Variants in ZNF665 observed in about 807,000 individuals in gnomAD.
ZNF665 encodes the protein zinc finger protein 665.
Under a neutral mutation model 7.9 loss-of-function variants are expected in ZNF665, and 6 were observed. The ratio of observed to expected loss-of-function variants is 0.76; its 90% CI spans 0.42 to 1.50. The LOEUF is 1.50. Ranked by LOEUF, ZNF665 falls within the 40% of genes most tolerant of loss-of-function variation. The pLI, the probability that ZNF665 is intolerant of heterozygous loss-of-function variation, is 0.01. For synonymous variants in ZNF665, 242 were observed against 274.5 expected (o/e 0.88, Z 1.17); for missense variants, 819 against 806.7 (o/e 1.02, Z -0.18).
At position 53,175,435 on chromosome 19, in the gene ZNF665, T is replaced by C; in HGVS notation, c.142+10A>G. On this transcript the variant is annotated intron_variant, in intron 3 of 3. Coordinates refer to ENST00000396424, the MANE Select transcript of ZNF665 (RefSeq NM_024733.5). ...ACAGACCCTGACTTCTAAAAGAAAGTCATCCTCACCCAGGGAGACCAGGTT... is the reference window on the plus strand; with the variant it reads ...ACAGACCCTGACTTCTAAAAGAAAGCCATCCTCACCCAGGGAGACCAGGTT... 1 of 1,602,924 alleles carries C rather than the reference T, an allele frequency of 6.2e-7. No homozygotes were observed. Among genetic ancestry groups the C allele is most frequent in the Non-Finnish European group, 8.5e-7 (1 of 1,176,622 alleles).
Position 53,166,345 on chromosome 19 carries a change from T to C in ZNF665, c.145A>G (p.Ile49Val), listed in dbSNP as rs1212696703. ...TCCGTGTTTACACATTTACAAGAGA[T>C]ATCTGTAAGATATAAACAACCATAG... ...ENYRNLVSLD[I>V]SCKCVNTDLP... is the part of the protein sequence containing the mutation. Residue 49 changes from isoleucine to valine, a missense_variant and splice_region_variant, in exon 4 of 4, where the codon ATC becomes GTC. Transcript: ENST00000396424. 2 of 1,562,240 alleles carry C rather than the reference T, an allele frequency of 1.3e-6. No homozygotes were observed. The highest frequency in any genetic ancestry group is 1.4e-5 in the African/African-American group (1 of 73,070).
At position 53,165,337 on chromosome 19, in the gene ZNF665, T is replaced by C; in HGVS notation, c.1153A>G (p.Met385Val). The change falls in exon 4 of 4, where the codon ATG (methionine) becomes GTG (valine). Residue 385 changes from methionine to valine, a missense_variant. By Grantham distance (21) the Met-to-Val change is conservative. Coordinates refer to ENST00000396424, the MANE Select transcript of ZNF665 (RefSeq NM_024733.5). ...TGATGCTTAGTTAAGTTTGAATGCATACTGAAGGCTTTCCCACACTCATTA... is the reference window on the plus strand; with the variant it reads ...TGATGCTTAGTTAAGTTTGAATGCACACTGAAGGCTTTCCCACACTCATTA... ...KCNECGKAFSMHSNLTKHQII... is the reference protein window; with the variant it reads ...KCNECGKAFSVHSNLTKHQII... The C allele has an allele frequency of 1.2e-6, 2 of 1,613,486 alleles. No homozygotes were observed. The highest frequency in any genetic ancestry group is 2.2e-5 in the East Asian group (1 of 44,776).
At position 53,164,897 on chromosome 19, in the gene ZNF665, T is replaced by C; in HGVS notation, c.1593A>G (p.Ile531Met). The change falls in exon 4 of 4, where the codon ATA (isoleucine) becomes ATG (methionine). Residue 531 changes from isoleucine to methionine, a missense_variant. Transcript: ENST00000396424. ...KAFSVHSSLT[I>M]HQTIHTGQKP... ...TTTGTCCAGTATGTATTGTCTGATG[T>C]ATAGTTAGGCTTGAATGAACACTAA... 6.2e-7 allele frequency: 1 copy of C among 1,614,006 alleles called. No individual in the cohort carries two copies. Among genetic ancestry groups the C allele is most frequent in the Non-Finnish European group, 8.5e-7 (1 of 1,179,994 alleles).
intron 2 of ZNF665, among the ~76,000 whole-genome samples, chr19:53,176,072 A>C (rs573159746): frequency 6.6e-6 from 1 of 152,288 alleles, no homozygotes; most frequent in Admixed American, 6.5e-5. Flanking sequence ...GAGGCAGCAG[A>C]ATCACTTGAA....
At chr19:53,172,055 G>A (rs1305976284) in intron 3 of ZNF665, among the ~76,000 whole-genome samples, 1 of 152,100 alleles carries the variant, frequency 6.6e-6, no homozygotes, top group Non-Finnish European at 1.5e-5. Flanking sequence ...CACCCGGCCA[G>A]ATTTGTGTAT....
chr19:53,191,927 A>G (rs904506680), intron 1 of ZNF665: 1 of 152,204 alleles, frequency 6.6e-6, no homozygotes, highest in Non-Finnish European at 1.5e-5. Context: ...ACCACCATGC[A>G]TCTGGGCCAT....
At chr19:53,170,695 T>C (rs190594498) in intron 3 of ZNF665, among the ~76,000 whole-genome samples, 1 of 152,344 alleles carries the variant, frequency 6.6e-6, no homozygotes, top group African/African-American at 2.4e-5. Flanking sequence ...TTTGATTTCA[T>C]AACTCGACTA....
intron 1 of ZNF665, among the ~76,000 whole-genome samples, chr19:53,189,369 T>A (rs868552218): frequency 1.3e-5 from 2 of 150,874 alleles, no homozygotes; most frequent in East Asian, 2.0e-4. Context: ...CCCGAATGTC[T>A]GGCTGCGCTG....
chr19:53,189,800 T>G (rs1458995358), intron 1 of ZNF665, among the ~76,000 whole-genome samples: 1 of 151,878 alleles, frequency 6.6e-6, no homozygotes, highest in Non-Finnish European at 1.5e-5. Flanking sequence ...TTCCCCAGTC[T>G]GCTAAGTAGC....
Position 53,173,636 on chromosome 19 carries a change from C to G in ZNF665, c.142+1809G>C, listed in dbSNP as rs140386146. Among the ~76,000 whole-genome samples the G allele has an allele frequency of 2.3e-4, 35 of 152,056 alleles. 1 individual carries two copies. In the East Asian group the frequency reaches 5.0e-3, roughly 22 times the overall value. On this transcript the variant is annotated intron_variant, in intron 3 of 3. Coordinates refer to ENST00000396424, the MANE Select transcript of ZNF665 (RefSeq NM_024733.5). ...GATCCACCCACCTCAGCCTCCCAAA[C>G]TGCTGGGATTACAGGGGAAAGCCAC...
intron 1 of ZNF665, among the ~76,000 whole-genome samples, chr19:53,185,272 G>C (rs898491451): frequency 3.9e-5 from 6 of 152,014 alleles, no homozygotes; most frequent in African/African-American, 1.4e-4. Context: ...CGGTCCGCTT[G>C]GCAACGGACG....
At chr19:53,171,504 G>GTATATA (rs1555804176) in intron 3 of ZNF665, among the ~76,000 whole-genome samples, 628 of 57,716 alleles carry the variant, frequency 0.011, 10 homozygotes, top group Non-Finnish European at 0.017. Flanking sequence ...GTGTGTGTGT[G>GTATATA]TATATATATA....
Position 53,165,825 on chromosome 19 carries a change from G to C in ZNF665, c.665C>G (p.Thr222Arg). Residue 222 changes from threonine (T) to arginine (R), a missense_variant, in exon 4 of 4, where the codon ACA becomes AGA. Thr to Arg is a moderately conservative substitution (Grantham distance 71). Transcript: ENST00000396424. ...GKAFTVRSNL[T>R]IHQVIHTGEK... ...TCCAGTATGGATGACCTGATGGATTGTTAGGTTTGAACGAACAGTAAAGGC... is the reference window on the plus strand; with the variant it reads ...TCCAGTATGGATGACCTGATGGATTCTTAGGTTTGAACGAACAGTAAAGGC... 1 of 1,614,124 alleles carries C rather than the reference G, an allele frequency of 6.2e-7. No individual in the cohort carries two copies. Among genetic ancestry groups the C allele is most frequent in the Non-Finnish European group, 8.5e-7 (1 of 1,180,008 alleles).
intron 3 of ZNF665, among the ~76,000 whole-genome samples, chr19:53,171,610 A>C (rs1250492664): frequency 1.4e-5 from 2 of 147,368 alleles, no homozygotes; most frequent in Non-Finnish European, 3.0e-5. Context: ...GCTCACTGCA[A>C]CCTCCGCCTC....
At position 53,163,805 on chromosome 19, in the gene ZNF665, T is replaced by A. The variant is rs974947063; in HGVS notation, c.*648A>T. 3.3e-5 allele frequency: 5 copies of A among 152,340 alleles called. No individual in the cohort carries two copies. The highest frequency in any genetic ancestry group is 7.3e-5 in the Non-Finnish European group (5 of 68,048). The allele number at this position is 152,340 out of a possible 1,614,324, so 9.4% of individuals were successfully genotyped here. A position where few individuals can be genotyped will look rare whatever the true frequency, so the allele number is the denominator to read the frequency against. ...TGAAGTATATAATATCAGAGGGTTATGAGGAAACTAGAGACTGAGTTCTAC... is the reference window on the plus strand; with the variant it reads ...TGAAGTATATAATATCAGAGGGTTAAGAGGAAACTAGAGACTGAGTTCTAC... On this transcript the variant is annotated 3_prime_UTR_variant, in exon 4 of 4. Transcript: ENST00000396424.
At chr19:53,179,577 A>T (rs1310480373) in intron 2 of ZNF665, 1 of 151,714 alleles carries the variant, frequency 6.6e-6, no homozygotes, top group Non-Finnish European at 1.5e-5. Context: ...GAGGGCAGGG[A>T]AGCTCTGCGC....
Position 53,163,797 on chromosome 19 carries a change from G to C in ZNF665, c.*656C>G, listed in dbSNP as rs1439220092. The C allele has an allele frequency of 1.3e-5, 2 of 152,148 alleles. No individual in the cohort carries two copies. The highest frequency in any genetic ancestry group is 4.8e-5 in the African/African-American group (2 of 41,432). The allele number at this position is 152,148 out of a possible 1,614,324, so 9.4% of individuals were successfully genotyped here. ...GATTATGCTGAAGTATATAATATCAGAGGGTTATGAGGAAACTAGAGACTG... is the reference window on the plus strand; with the variant it reads ...GATTATGCTGAAGTATATAATATCACAGGGTTATGAGGAAACTAGAGACTG... On this transcript the variant is annotated 3_prime_UTR_variant, in exon 4 of 4. Coordinates refer to ENST00000396424, the MANE Select transcript of ZNF665 (RefSeq NM_024733.5).
intron 1 of ZNF665, among the ~76,000 whole-genome samples, chr19:53,185,884 A>C (rs1437827628): frequency 2.0e-5 from 3 of 151,964 alleles, no homozygotes; most frequent in Non-Finnish European, 2.9e-5. Context: ...AGCATAGAAG[A>C]GGGGAACTTA....
At chr19:53,191,398 T>C (rs1173812560) in intron 1 of ZNF665, among the ~76,000 whole-genome samples, 1 of 152,072 alleles carries the variant, frequency 6.6e-6, no homozygotes, top group African/African-American at 2.4e-5. Context: ...ACTGAATGAG[T>C]CAAGTCACTG....
Sources: gnomAD v4.1 joint callset for allele counts (sites outside exome capture counted in the v4.1 genomes callset) on GRCh38, gnomAD v4.1.1 for gene constraint, MANE v1.5 for transcripts, NCBI Gene and HGNC (gene_info 2026-07-23, HGNC 2026-07-21) for gene names.